CYP4X1: variants seen among roughly 807,000 people sequenced by gnomAD.
CYP4X1 encodes the protein cytochrome P450 family 4 subfamily X member 1.
In CYP4X1, 44 loss-of-function variants were observed where a neutral mutation model predicts 57.9. That is an observed-to-expected ratio of 0.76 (90% CI 0.60 to 0.98). The LOEUF is 0.98. Among genes scored for constraint, CYP4X1 ranks in the 50% least tolerant of loss-of-function variants. CYP4X1 has a pLI of 0.00. For missense variants in CYP4X1, 532 were observed against 623.9 expected, an observed-to-expected ratio of 0.85 and a Z score of 1.57; for synonymous variants, 227 against 228.6, an observed-to-expected ratio of 0.99 and a Z score of 0.06.
rs1644349532 is a variant in CYP4X1, at chr1:47,050,254, A to T, written c.*80A>T. 3.3e-6 allele frequency: 5 copies of T among 1,514,742 alleles called. No homozygotes were observed. In the East Asian group the frequency reaches 1.1e-4, roughly 34 times the overall value. The allele number at this position is 1,514,742 out of a possible 1,614,324, so 93.8% of individuals were successfully genotyped here. A position where few individuals can be genotyped will look rare whatever the true frequency, so the allele number is the denominator to read the frequency against. On this transcript the variant is annotated 3_prime_UTR_variant, in exon 12 of 12. Transcript: ENST00000371901. Reference sequence around the variant, plus strand: ...TAATGATCCAAGCAGATAGAAAGGGATCAATGTATGGTGGGAGGATTGGAG... The same window carrying T: ...TAATGATCCAAGCAGATAGAAAGGGTTCAATGTATGGTGGGAGGATTGGAG...
At chr1:47,028,073 A>C (rs768399353) in intron 1 of CYP4X1, among the ~76,000 whole-genome samples, 2 of 152,220 alleles carry the variant, frequency 1.3e-5, no homozygotes, top group Non-Finnish European at 2.9e-5. Flanking sequence ...AAATTTATTT[A>C]TTCAAAGATC....
intron 6 of CYP4X1, among the ~76,000 whole-genome samples, chr1:47,038,290 A>G (rs1569636519): frequency 6.6e-6 from 1 of 152,114 alleles, no homozygotes; most frequent in Non-Finnish European, 1.5e-5. Context: ...AGCTCCTTCA[A>G]TTATAAATAT....
At chr1:46,966,944 TTA>T in the CYP4X1 span, among the ~76,000 whole-genome samples, 1 of 152,164 alleles carries the variant, frequency 6.6e-6, no homozygotes, top group African/African-American at 2.4e-5. Flanking sequence ...TACTGGCAGA[TTA>T]AGTAGACCCT....
chr1:46,961,961 A>T, the CYP4X1 span, among the ~76,000 whole-genome samples: 2 of 152,108 alleles, frequency 1.3e-5, no homozygotes, highest in Admixed American at 6.5e-5. Flanking sequence ...GGACCCAGGC[A>T]CTTTCTCTTG....
At chr1:46,964,407 G>T in the CYP4X1 span, among the ~76,000 whole-genome samples, 1 of 152,180 alleles carries the variant, frequency 6.6e-6, no homozygotes, top group Non-Finnish European at 1.5e-5. Flanking sequence ...GTGACGTACA[G>T]GTGGGGTTTT....
At chr1:47,024,193 G>A (rs1644036343) in intron 1 of CYP4X1, among the ~76,000 whole-genome samples, 199 bp downstream of exon 1, 1 of 152,202 alleles carries the variant, frequency 6.6e-6, no homozygotes, top group Non-Finnish European at 1.5e-5. Context: ...GCCCCACAGG[G>A]AAAGGTCACA....
the CYP4X1 span, chr1:46,967,827 C>T: frequency 7.6e-7 from 1 of 1,314,808 alleles, no homozygotes; most frequent in Non-Finnish European, 1.0e-6. Flanking sequence ...GGGCCATGGC[C>T]ACCTTTAGCT....
intron 11 of CYP4X1, 88 bp downstream of exon 11, chr1:47,049,592 CT>C: frequency 8.4e-7 from 1 of 1,194,852 alleles, no homozygotes; most frequent in East Asian, 2.3e-5. Flanking sequence ...TCTATACATT[CT>C]TCCAGGGAAC....
At chr1:47,010,261 G>A in the CYP4X1 span, among the ~76,000 whole-genome samples, 22 of 152,122 alleles carry the variant, frequency 1.4e-4, no homozygotes, top group African/African-American at 4.3e-4. Flanking sequence ...TTCAACATAC[G>A]CAAATCAATA....
chr1:46,969,964 C>A, the CYP4X1 span, among the ~76,000 whole-genome samples: 1 of 152,184 alleles, frequency 6.6e-6, no homozygotes, highest in Non-Finnish European at 1.5e-5. Flanking sequence ...CAACACACAT[C>A]GGTTAAAACT....
In CYP4X1 at chr1:47,025,498, C is replaced by G. The variant is rs143660444; in HGVS notation, c.177+1504C>G. On this transcript the variant is annotated intron_variant, in intron 1 of 11. Transcript: ENST00000371901. ...CACTTACACTTCATATTCCACTGTCCCAGTAACTATATAGTATTGTATTTT... is the reference window on the plus strand; with the variant it reads ...CACTTACACTTCATATTCCACTGTCGCAGTAACTATATAGTATTGTATTTT... Among the ~76,000 whole-genome samples the G allele has an allele frequency of 9.9e-5, 15 of 152,170 alleles. No homozygotes were observed. The East Asian group carries it at 2.7e-3, about 27-fold the overall frequency.
rs1487122383 is a variant in CYP4X1 at position 47,049,458 on chromosome 1, G to A, written c.1309G>A (p.Asp437Asn). 1 of 1,614,092 alleles carries A rather than the reference G, an allele frequency of 6.2e-7. No homozygotes were observed. The highest frequency in any genetic ancestry group is 8.5e-7 in the Non-Finnish European group (1 of 1,180,000). ...DPLRFSQENSDQRHPYAYLPF... is the reference protein window; with the variant it reads ...DPLRFSQENSNQRHPYAYLPF... ...CTTGAGGTTCTCTCAGGAGAATTCT[G>A]ATCAGAGACACCCCTATGCCTACTT... Residue 437 changes from aspartate to asparagine, a missense_variant, in exon 11 of 12, where the codon GAT becomes AAT. Transcript: ENST00000371901.
intron 9 of CYP4X1, among the ~76,000 whole-genome samples, chr1:47,047,086 A>G (rs930731014): frequency 2.0e-5 from 3 of 152,182 alleles, no homozygotes; most frequent in Non-Finnish European, 4.4e-5. Flanking sequence ...CAATGTTAAC[A>G]GACGCTTATA....
chr1:47,051,594 T>C (rs1336611461), downstream of CYP4X1, among the ~76,000 whole-genome samples: 2 of 152,162 alleles, frequency 1.3e-5, no homozygotes, highest in Non-Finnish European at 2.9e-5. Flanking sequence ...CACTCTTCCA[T>C]CATCACTTAT....
intron 4 of CYP4X1, 57 bp downstream of exon 4, chr1:47,033,425 T>G (rs1644145733): frequency 1.3e-6 from 2 of 1,583,864 alleles, no homozygotes; most frequent in South Asian, 2.3e-5. Context: ...CAATGGACAG[T>G]ATTAGGTATG....
At chr1:46,974,795 C>T in the CYP4X1 span, among the ~76,000 whole-genome samples, 31 of 152,116 alleles carry the variant, frequency 2.0e-4, no homozygotes, top group Non-Finnish European at 4.0e-4. Context: ...AGATCTTTCT[C>T]CATCCCTTTT....
chr1:46,981,821 T>C, the CYP4X1 span, among the ~76,000 whole-genome samples: 1 of 152,246 alleles, frequency 6.6e-6, no homozygotes, highest in African/African-American at 2.4e-5. Context: ...GATAAGTTAA[T>C]GTCCTTTGTA....
chr1:46,972,543 C>T, the CYP4X1 span, among the ~76,000 whole-genome samples: 5 of 152,180 alleles, frequency 3.3e-5, no homozygotes, highest in East Asian at 5.8e-4. Flanking sequence ...ACCATTTTAA[C>T]GATATTGATT....
chr1:46,967,412 G>A, the CYP4X1 span, among the ~76,000 whole-genome samples: 5 of 152,194 alleles, frequency 3.3e-5, no homozygotes, highest in African/African-American at 4.8e-5. Flanking sequence ...AGAAAGAAAT[G>A]GGGGCAGACA....
Sources: allele counts gnomAD v4.1 joint callset (sites outside exome capture counted in the v4.1 genomes callset), GRCh38; gene constraint gnomAD v4.1.1; transcripts MANE v1.5; gene names NCBI Gene and HGNC (gene_info 2026-07-23, HGNC 2026-07-21).